Variants in TANC2 observed in about 807,000 individuals in gnomAD.
TANC2 encodes protein TANC2.
TANC2 carries 26 observed loss-of-function variants against 210.5 expected under a neutral mutation model. The observed-to-expected ratio is 0.12, with a 90% CI of 0.09 to 0.17. The LOEUF (loss-of-function observed/expected upper bound fraction) is 0.17, where lower values mean the gene tolerates loss of function less well. Ranked by LOEUF, TANC2 falls within the 10% of genes least tolerant of loss-of-function variation. The probability of loss-of-function intolerance (pLI) is 1.00; values close to 1 mark genes in which losing one functional copy is unlikely to be tolerated. For missense variants in TANC2, 2,129 were observed against 2,608.9 expected, an observed-to-expected ratio of 0.82 and a Z score of 4.01; for synonymous variants, 931 against 967.1, an observed-to-expected ratio of 0.96 and a Z score of 0.69.
intron 7 of TANC2, among the ~76,000 whole-genome samples, chr17:63,231,141 A>G (rs1023911863): frequency 6.6e-6 from 1 of 151,744 alleles, no homozygotes; most frequent in Non-Finnish European, 1.5e-5. Flanking sequence ...CCATCCCTTT[A>G]TTTTGAGCCT....
At chr17:63,419,718 C>T (rs2048965669) in intron 27 of TANC2, among the ~76,000 whole-genome samples, 1 of 152,176 alleles carries the variant, frequency 6.6e-6, no homozygotes, top group African/African-American at 2.4e-5. Flanking sequence ...ACCAAAACAA[C>T]TTCCCGAAGG....
chr17:63,252,492 T>C (rs1052395511), intron 8 of TANC2, among the ~76,000 whole-genome samples: 1 of 152,140 alleles, frequency 6.6e-6, no homozygotes. Flanking sequence ...ATTCATTCTG[T>C]CAAACTATAT....
chr17:63,126,872 C>G (rs1567745910), intron 4 of TANC2, among the ~76,000 whole-genome samples: 1 of 152,098 alleles, frequency 6.6e-6, no homozygotes, highest in African/African-American at 2.4e-5. Context: ...TCTTAGGACT[C>G]TAACAGTATT....
rs187838159 is a variant in TANC2, at chr17:63,009,748, A to G, written c.67+122A>G. 2.4e-3 allele frequency: 1,990 copies of G among 814,888 alleles called. 6 individuals are homozygous for G. The highest frequency in any genetic ancestry group is 4.3e-3 in the Admixed American group (173 of 40,348). 50.5% of individuals were successfully genotyped at this position (814,888 alleles called of 1,614,324 possible). On this transcript the variant is annotated intron_variant, in intron 2 of 27. Transcript: ENST00000689528. The stretch of plus-strand genomic sequence containing the variant: ...ACTTAGAACTTAAAAGAAAGTTTAC[A>G]TTTCTTTGGGCTTTCATACGCTTTA...
chr17:63,102,874 T>A (rs1365776456), intron 4 of TANC2, among the ~76,000 whole-genome samples: 2 of 152,226 alleles, frequency 1.3e-5, no homozygotes, highest in Non-Finnish European at 2.9e-5. Flanking sequence ...AAAAACCATC[T>A]GTACTGAACA....
chr17:63,237,108 C>T (rs533517067), intron 7 of TANC2, among the ~76,000 whole-genome samples: 3 of 152,108 alleles, frequency 2.0e-5, no homozygotes, highest in Middle Eastern at 3.4e-3. Flanking sequence ...TTCCCGTTAA[C>T]GGTGTATATG....
intron 3 of TANC2, among the ~76,000 whole-genome samples, chr17:63,093,831 C>T (rs1048148395): frequency 1.3e-5 from 2 of 151,966 alleles, no homozygotes; most frequent in Non-Finnish European, 2.9e-5. Flanking sequence ...TCAGGCTGGT[C>T]TTAAACTCCT....
In TANC2 at chr17:63,304,209, C is replaced by A. The variant is rs112745473; in HGVS notation, c.1160-10179C>A. On this transcript the variant is annotated intron_variant, in intron 9 of 27. Transcript: ENST00000689528. ...CAGCATTTATCATTGATTCTTTCTC[C>A]TCTTCATGAGTCTGTCTAGTATTGA... Among the ~76,000 whole-genome samples the A allele has an allele frequency of 8.3e-3, 1,266 of 152,206 alleles. 15 individuals are homozygous for A. The highest frequency in any genetic ancestry group is 0.028 in the African/African-American group (1,157 of 41,518).
At chr17:63,359,533 A>G (rs1240498166) in intron 14 of TANC2, among the ~76,000 whole-genome samples, 1 of 151,938 alleles carries the variant, frequency 6.6e-6, no homozygotes, top group Non-Finnish European at 1.5e-5. Context: ...TTTTTAGTAG[A>G]GACGGAGTTT....
chr17:63,376,047 A>C (rs570781196), intron 14 of TANC2, among the ~76,000 whole-genome samples: 11 of 152,212 alleles, frequency 7.2e-5, no homozygotes, highest in South Asian at 2.1e-4. Flanking sequence ...AGATCACACC[A>C]CTGCACTCCA....
intron 7 of TANC2, among the ~76,000 whole-genome samples, chr17:63,234,309 T>C (rs977721417): frequency 1.3e-5 from 2 of 152,240 alleles, no homozygotes; most frequent in East Asian, 3.8e-4. Flanking sequence ...TTAAATACTA[T>C]GTCCTCTCAT....
At chr17:63,276,607 C>G (rs1257505910) in intron 9 of TANC2, among the ~76,000 whole-genome samples, 1 of 151,566 alleles carries the variant, frequency 6.6e-6, no homozygotes, top group African/African-American at 2.4e-5. Context: ...AGACCAATGT[C>G]AGAAAGCTGA....
chr17:63,109,329 A>T (rs1422889554), intron 4 of TANC2, among the ~76,000 whole-genome samples: 2 of 151,682 alleles, frequency 1.3e-5, no homozygotes, highest in African/African-American at 4.9e-5. Flanking sequence ...AAAAAGAGGG[A>T]GTGAGAAAAG....
chr17:63,048,100 G>T (rs1471406123), intron 2 of TANC2, among the ~76,000 whole-genome samples: 1 of 152,126 alleles, frequency 6.6e-6, no homozygotes, highest in Admixed American at 6.5e-5. Flanking sequence ...TTGAATGAGG[G>T]TCTTATGACC....
chr17:63,259,832 A>G (rs370160605), intron 8 of TANC2, among the ~76,000 whole-genome samples: 132 of 152,310 alleles, frequency 8.7e-4, no homozygotes, highest in African/African-American at 3.1e-3. Context: ...TTCTTTTCAA[A>G]TTACTCTTCA....
intron 1 of TANC2, among the ~76,000 whole-genome samples, chr17:62,989,767 C>CTTTTT (rs369502208): frequency 3.4e-4 from 37 of 109,806 alleles, no homozygotes; most frequent in African/African-American, 8.0e-4. Context: ...AAAACACATG[C>CTTTTT]TTTTTTTTTT....
intron 2 of TANC2, among the ~76,000 whole-genome samples, chr17:63,050,302 A>G (rs1213098410): frequency 6.6e-6 from 1 of 151,450 alleles, no homozygotes; most frequent in African/African-American, 2.4e-5. Context: ...GGCTTCAGTG[A>G]GCCGTGATCA....
chr17:63,226,313 A>G (rs1459259749), intron 7 of TANC2, among the ~76,000 whole-genome samples: 5 of 152,186 alleles, frequency 3.3e-5, no homozygotes, highest in Admixed American at 6.5e-5. Context: ...TATGTCCCTC[A>G]AAAGCCTTTA....
intron 15 of TANC2, among the ~76,000 whole-genome samples, chr17:63,385,626 GA>G (rs1196268129): frequency 6.6e-6 from 1 of 152,210 alleles, no homozygotes; most frequent in East Asian, 1.9e-4. Context: ...AAGAGCTTCT[GA>G]AGTAATAATG....
Sources: gnomAD v4.1 joint callset for allele counts (sites outside exome capture counted in the v4.1 genomes callset) on GRCh38, gnomAD v4.1.1 for gene constraint, MANE v1.5 for transcripts, NCBI Gene and HGNC (gene_info 2026-07-23, HGNC 2026-07-21) for gene names.